The following LRP1B variants were observed in gnomAD, a reference collection of about 807,000 sequenced individuals.
The protein encoded by LRP1B is low-density lipoprotein receptor-related protein 1B.
LRP1B carries 217 observed loss-of-function variants against 556.6 expected under a neutral mutation model. The ratio of observed to expected loss-of-function variants is 0.39; its 90% CI spans 0.35 to 0.44. LRP1B has a LOEUF of 0.44. Ranked by LOEUF, LRP1B falls within the 20% of genes least tolerant of loss-of-function variation. The probability of loss-of-function intolerance (pLI) is 1.00; values close to 1 mark genes in which losing one functional copy is unlikely to be tolerated. For synonymous variants in LRP1B, 2,047 were observed against 1,865.8 expected, an observed-to-expected ratio of 1.10 and a Z score of -2.50; for missense variants, 5,053 against 5,620.8, an observed-to-expected ratio of 0.90 and a Z score of 3.23.
intron 62 of LRP1B, among the ~76,000 whole-genome samples, chr2:140,456,011 A>C (rs562581504): frequency 3.3e-5 from 5 of 152,348 alleles, no homozygotes; most frequent in African/African-American, 1.2e-4. Context: ...GTTTCAGAAG[A>C]AAGTTATTTT....
intron 1 of LRP1B, among the ~76,000 whole-genome samples, chr2:141,906,483 A>C (rs1406654416): frequency 1.3e-5 from 2 of 152,018 alleles, no homozygotes; most frequent in African/African-American, 2.4e-5. Flanking sequence ...CCTGTGAGTC[A>C]GTGTACAGCA....
chr2:140,970,674 G>A (rs1696384948), intron 18 of LRP1B, among the ~76,000 whole-genome samples: 1 of 141,988 alleles, frequency 7.0e-6, no homozygotes. Context: ...AACTGCCCCA[G>A]GATCACCCAA....
intron 62 of LRP1B, among the ~76,000 whole-genome samples, chr2:140,454,660 G>A (rs1687024102): frequency 6.6e-6 from 1 of 152,080 alleles, no homozygotes; most frequent in Non-Finnish European, 1.5e-5. Flanking sequence ...ACCAAATTGG[G>A]AAATAATTTT....
intron 1 of LRP1B, among the ~76,000 whole-genome samples, chr2:141,917,125 T>C (rs1250457348): frequency 6.6e-6 from 1 of 152,178 alleles, no homozygotes; most frequent in African/African-American, 2.4e-5. Flanking sequence ...TGAAGAGAGA[T>C]AAATTGAGAA....
At chr2:140,568,617 C>G (rs1013108616) in intron 43 of LRP1B, among the ~76,000 whole-genome samples, 23 of 152,044 alleles carry the variant, frequency 1.5e-4, no homozygotes, top group African/African-American at 5.3e-4. Context: ...TATAAACAGT[C>G]AGATTCAGGA....
At chr2:140,611,556 T>C (rs1574141511) in intron 41 of LRP1B, among the ~76,000 whole-genome samples, 1 of 152,052 alleles carries the variant, frequency 6.6e-6, no homozygotes, top group East Asian at 1.9e-4. Context: ...AGAAAGAGTT[T>C]GGTTGTTTAT....
chr2:140,318,225 T>TCATTTATGTTCCAACTAAA (rs1684614716), intron 82 of LRP1B, among the ~76,000 whole-genome samples: 1 of 152,128 alleles, frequency 6.6e-6, no homozygotes, highest in South Asian at 2.1e-4. Context: ...TGAAATCCAC[T>TCATTTATGTTCCAACTAAA]CATTTATGTT....
At chr2:140,947,519 T>C (rs987114287) in intron 20 of LRP1B, among the ~76,000 whole-genome samples, 1 of 152,204 alleles carries the variant, frequency 6.6e-6, no homozygotes, top group Non-Finnish European at 1.5e-5. Context: ...ATTATATGAC[T>C]AATCAAAGCG....
chr2:141,558,523 G>A (rs1686039932), intron 2 of LRP1B, among the ~76,000 whole-genome samples: 1 of 151,574 alleles, frequency 6.6e-6, no homozygotes, highest in Non-Finnish European at 1.5e-5. Flanking sequence ...CAAATTCATA[G>A]CAAAATTATG....
rs554143710 is a variant in LRP1B, at chr2:141,765,193, G to A, written c.205+45086C>T. Among the ~76,000 whole-genome samples the A allele has an allele frequency of 2.6e-5, 4 of 152,276 alleles. No individual in the cohort carries two copies. In the South Asian group the frequency reaches 6.2e-4, roughly 24 times the overall value. On this transcript the variant is annotated intron_variant, in intron 2 of 90. Coordinates refer to ENST00000389484, the MANE Select transcript of LRP1B (RefSeq NM_018557.3). ...TATAACCTGAGAGAAGCAGAGATCC[G>A]TAAACAGTGTAAATGGTTAATAATC... is the stretch of plus-strand genomic sequence containing the variant.
chr2:141,080,735 C>G (rs895308243), intron 7 of LRP1B, among the ~76,000 whole-genome samples: 2 of 152,176 alleles, frequency 1.3e-5, no homozygotes, highest in African/African-American at 4.8e-5. Flanking sequence ...TACAGTAGTA[C>G]GCCCATATCC....
chr2:141,112,045 CAAAA>C (rs1421041710), intron 7 of LRP1B, among the ~76,000 whole-genome samples: 1 of 98,654 alleles, frequency 1.0e-5, no homozygotes, highest in Non-Finnish European at 1.9e-5. Flanking sequence ...GACCCTGCCT[CAAAA>C]ATAAATAAAT....
Position 141,416,574 on chromosome 2 carries a change from C to G in LRP1B, c.343+63822G>C, listed in dbSNP as rs533738188. ...GCTCAAGCAATTCTCCTGCCTCTAC[C>G]TCCTGAGTAGCTAGGATTACAGACT... is the stretch of plus-strand genomic sequence containing the variant. On this transcript the variant is annotated intron_variant, in intron 3 of 90. Transcript: ENST00000389484. Among the ~76,000 whole-genome samples the G allele has an allele frequency of 2.6e-3, 401 of 151,752 alleles. 1 individual carries two copies. Among genetic ancestry groups the G allele is most frequent in the Admixed American group, 5.8e-3 (88 of 15,214 alleles).
intron 3 of LRP1B, among the ~76,000 whole-genome samples, chr2:141,411,481 A>C (rs1272527487): frequency 6.6e-6 from 1 of 152,180 alleles, no homozygotes; most frequent in Non-Finnish European, 1.5e-5. Context: ...AACAGGTATG[A>C]CATTGCATCA....
chr2:141,815,718 A>G (rs7588306), intron 1 of LRP1B, among the ~76,000 whole-genome samples: 14,437 of 151,074 alleles, frequency 0.096, 744 homozygotes, highest in African/African-American at 0.11. Context: ...CACCCCAGCC[A>G]GCAGCAGCAA....
At chr2:140,899,738 C>T (rs1480250128) in intron 23 of LRP1B, among the ~76,000 whole-genome samples, 1 of 152,112 alleles carries the variant, frequency 6.6e-6, no homozygotes, top group Non-Finnish European at 1.5e-5. Context: ...AAAAAATGTT[C>T]CCCAAGGCTG....
intron 3 of LRP1B, among the ~76,000 whole-genome samples, chr2:141,464,606 A>ATATATTTTTTTTTTTTTTTTTT: frequency 5.5e-4 from 50 of 90,494 alleles, no homozygotes; most frequent in East Asian, 4.8e-3. Flanking sequence ...ATATATATAT[A>ATATATTTTTTTTTTTTTTTTTT]TTTTTTTAGT....
At chr2:142,003,585 G>C (rs567976111) in intron 1 of LRP1B, among the ~76,000 whole-genome samples, 1 of 152,178 alleles carries the variant, frequency 6.6e-6, no homozygotes, top group South Asian at 2.1e-4. Context: ...ACCTAAAGTA[G>C]ATTAAAACTG....
intron 66 of LRP1B, among the ~76,000 whole-genome samples, chr2:140,407,962 AT>A (rs1189444785): frequency 6.6e-6 from 1 of 152,068 alleles, no homozygotes; most frequent in Non-Finnish European, 1.5e-5. Context: ...GATAAAAAAA[AT>A]ATGGCATATA....
Sources: gnomAD v4.1 joint callset for allele counts (sites outside exome capture counted in the v4.1 genomes callset) on GRCh38, gnomAD v4.1.1 for gene constraint, MANE v1.5 for transcripts, NCBI Gene and HGNC (gene_info 2026-07-23, HGNC 2026-07-21) for gene names.